The following HRG variants were observed in gnomAD, a reference collection of about 807,000 sequenced individuals.
HRG encodes the protein histidine rich glycoprotein, also known as histidine-rich glycoprotein.
HRG carries 26 observed loss-of-function variants against 29.5 expected under a neutral mutation model. That is an observed-to-expected ratio of 0.88 (90% CI 0.65 to 1.22). The LOEUF (loss-of-function observed/expected upper bound fraction) is 1.22. Among genes scored for constraint, HRG ranks in the 50% most tolerant of loss-of-function variants. The pLI is 0.00. For synonymous variants in HRG, 243 were observed against 240.4 expected, an observed-to-expected ratio of 1.01 and a Z score of -0.10; for missense variants, 671 against 654.5, an observed-to-expected ratio of 1.03 and a Z score of -0.28.
chr3:186,667,433 C>T (rs752109427), intron 1 of HRG, among the ~76,000 whole-genome samples: 19 of 152,140 alleles, frequency 1.2e-4, no homozygotes, highest in Non-Finnish European at 1.3e-4. Flanking sequence ...GAAGGTCAGA[C>T]AGATCTGGCT....
intron 1 of HRG, 50 bp from the exon 2 acceptor site, chr3:186,668,885 C>T (rs200424943): frequency 3.4e-5 from 29 of 862,712 alleles, no homozygotes; most frequent in Non-Finnish European, 5.5e-5. Context: ...TAAAAAAAAA[C>T]CCGCTAGGTT....
intron 6 of HRG, among the ~76,000 whole-genome samples, chr3:186,675,756 A>T (rs2108582812): frequency 6.6e-6 from 1 of 152,178 alleles, no homozygotes; most frequent in East Asian, 1.9e-4. Context: ...TGCTTCACGA[A>T]ATTTTTCATA....
chr3:186,666,320 G>A, intron 1 of HRG, 106 bp downstream of exon 1: 1 of 1,220,418 alleles, frequency 8.2e-7, no homozygotes. Context: ...GCTTTGGTCA[G>A]AGTTTTTTGT....
intron 1 of HRG, among the ~76,000 whole-genome samples, chr3:186,666,684 G>A (rs1718619932): frequency 6.6e-6 from 1 of 152,154 alleles, no homozygotes; most frequent in African/African-American, 2.4e-5. Context: ...GGAGGCCAAG[G>A]CGGACGGATC....
chr3:186,668,804 G>T (rs571572582), intron 1 of HRG, 131 bp from the exon 2 acceptor site: 20 of 670,802 alleles, frequency 3.0e-5, no homozygotes, highest in African/African-American at 7.3e-5. Context: ...TGACGCAAAG[G>T]TAGAGCATCT....
rs776875028 is a variant in HRG at position 186,669,019 on chromosome 3, G to A, written c.268G>A (p.Glu90Lys). Residue 90 changes from glutamate to lysine, a missense_variant, in exon 2 of 7, where the codon GAG (glutamate) becomes AAG (lysine). Transcript: ENST00000232003. ...VLSRKYWNDC[E>K]PPDSRRPSEI... ...ATCCAGGAAATACTGGAATGACTGTGAGCCACCTGATTCCAGACGTCCATC... is the reference window on the plus strand; with the variant it reads ...ATCCAGGAAATACTGGAATGACTGTAAGCCACCTGATTCCAGACGTCCATC... The A allele has an allele frequency of 6.2e-6, 10 of 1,608,950 alleles. No individual in the cohort carries two copies. In the East Asian group the frequency reaches 2.0e-4, roughly 32 times the overall value.
In HRG at chr3:186,677,391, C is replaced by G. The variant is rs7629680; in HGVS notation, c.1086C>G (p.His362Gln). Residue 362 changes from histidine to glutamine, a missense_variant, in exon 7 of 7, where the codon CAC becomes CAG. Transcript: ENST00000232003. ...HKHHSHEQHP[H>Q]GHHPHAHHPH... ...ATCATTCCCATGAACAGCATCCCCA[C>G]GGACACCATCCCCATGCACACCATC... The G allele has an allele frequency of 6.2e-7, 1 of 1,612,444 alleles. No individual in the cohort carries two copies. Among genetic ancestry groups the G allele is most frequent in the Middle Eastern group, 1.7e-4 (1 of 6,058 alleles).
intron 1 of HRG, chr3:186,666,894 C>G (rs1408909436): frequency 2.0e-5 from 3 of 148,810 alleles, no homozygotes. Context: ...GCCTGGGCAA[C>G]AAAGCTAGAC....
intron 6 of HRG, among the ~76,000 whole-genome samples, chr3:186,675,764 A>G (rs931432625): frequency 1.3e-5 from 2 of 152,074 alleles, no homozygotes; most frequent in Non-Finnish European, 2.9e-5. Flanking sequence ...GAAATTTTTC[A>G]TATCAGAAAC....
chr3:186,672,683 A>G (rs1057357772), intron 4 of HRG, 104 bp from the exon 5 acceptor site: 1 of 775,922 alleles, frequency 1.3e-6, no homozygotes, highest in African/African-American at 1.7e-5. Context: ...GGTGATTTTG[A>G]ATTCTCATAC....
chr3:186,673,196 C>T (rs1004567165), intron 5 of HRG: 63 of 367,216 alleles, frequency 1.7e-4, no homozygotes, highest in African/African-American at 9.9e-4. Flanking sequence ...CTCCGCCTCC[C>T]GGGTTCAGGC....
At chr3:186,675,865 C>CTTTTTTTTTTTTT in intron 6 of HRG, among the ~76,000 whole-genome samples, 1 of 97,104 alleles carries the variant, frequency 1.0e-5, no homozygotes, top group Non-Finnish European at 1.9e-5. Context: ...ATGGCTCTGT[C>CTTTTTTTTTTTTT]TTTTTTTTTT....
At chr3:186,668,574 G>T (rs72625026) in intron 1 of HRG, 48,742 of 274,768 alleles carry the variant, frequency 0.18, 4,831 homozygotes, top group East Asian at 0.34. Context: ...CAGTAATAGA[G>T]CTGGGCAAGA....
rs1191794203 is a variant in HRG, at chr3:186,675,239, A to G, written c.741+49A>G. ...TCATGGCAGTGCCAGATTAAGTGAC[A>G]TACGTACACAAATAGTGTTGTTGCT... On this transcript the variant is annotated intron_variant, in intron 6 of 6. Coordinates refer to ENST00000232003, the MANE Select transcript of HRG (RefSeq NM_000412.5). The G allele has an allele frequency of 2.7e-6, 3 of 1,123,716 alleles. No individual in the cohort carries two copies. In the East Asian group the frequency reaches 7.1e-5, roughly 27 times the overall value. 69.6% of individuals were successfully genotyped at this position (1,123,716 alleles called of 1,614,324 possible). A position where few individuals can be genotyped will look rare whatever the true frequency, so the allele number is the denominator to read the frequency against.
At position 186,672,873 on chromosome 3, in the gene HRG, T is replaced by C. The variant is rs1718848259; in HGVS notation, c.639+6T>C. 1.3e-6 allele frequency: 2 copies of C among 1,578,594 alleles called. No homozygotes were observed. Among genetic ancestry groups the C allele is most frequent in the Non-Finnish European group, 1.7e-6 (2 of 1,148,570 alleles). ...ATTTCCCCAGACACCCCAATGTGAG[T>C]ATAAGAAATGTCTGTGATCGTTGAC... On this transcript the variant is annotated splice_donor_region_variant and intron_variant, in intron 5 of 6. Coordinates refer to ENST00000232003, the MANE Select transcript of HRG (RefSeq NM_000412.5).
rs1307954233 is a variant in HRG at position 186,677,717 on chromosome 3, C to G, written c.1412C>G (p.Pro471Arg). 6.2e-7 allele frequency: 1 copy of G among 1,611,296 alleles called. No homozygotes were observed. The highest frequency in any genetic ancestry group is 1.3e-5 in the African/African-American group (1 of 74,874). The change falls in exon 7 of 7, where the codon CCA (proline) becomes CGA (arginine). Residue 471 changes from proline (P) to arginine (R), a missense_variant. Pro to Arg is a moderately radical substitution (Grantham distance 103). Transcript: ENST00000232003. ...LPPLRKGEVL[P>R]LPEANFPSFP... ...CCTCTAAGAAAAGGTGAGGTGCTGC[C>G]ACTTCCTGAGGCCAATTTTCCCAGC...
chr3:186,675,329 G>GAGAGAGAC, intron 6 of HRG, 139 bp downstream of exon 6: 2 of 664,454 alleles, frequency 3.0e-6, no homozygotes, highest in Non-Finnish European at 5.6e-6. Context: ...GAGAGAGAGA[G>GAGAGAGAC]AGACAGAGAC....
Position 186,677,692 on chromosome 3 carries a change from C to G in HRG, c.1387C>G (p.Pro463Ala). The G allele has an allele frequency of 6.2e-7, 1 of 1,612,442 alleles. No individual in the cohort carries two copies. The highest frequency in any genetic ancestry group is 2.2e-5 in the East Asian group (1 of 44,820). Residue 463 changes from proline to alanine, a missense_variant, in exon 7 of 7, where the codon CCT becomes GCT. Physicochemically the swap from Pro to Ala is conservative, Grantham distance 27 (BLOSUM62 -1). Coordinates refer to ENST00000232003, the MANE Select transcript of HRG (RefSeq NM_000412.5). ...RQIGSVYRLP[P>A]LRKGEVLPLP... ...AATTGGATCTGTGTACCGACTCCCT[C>G]CTCTAAGAAAAGGTGAGGTGCTGCC...
intron 1 of HRG, 150 bp downstream of exon 1, chr3:186,666,364 T>C: frequency 1.3e-6 from 1 of 753,554 alleles, no homozygotes; most frequent in Non-Finnish European, 2.2e-6. Flanking sequence ...TTGTTCTTTT[T>C]TCCTTCAAAC....
Sources: allele counts gnomAD v4.1 joint callset (sites outside exome capture counted in the v4.1 genomes callset), GRCh38; gene constraint gnomAD v4.1.1; transcripts MANE v1.5; gene names NCBI Gene and HGNC (gene_info 2026-07-23, HGNC 2026-07-21).